The following NKAIN2 variants were observed in gnomAD, a reference collection of about 807,000 sequenced individuals.
NKAIN2 encodes the protein sodium/potassium transporting ATPase interacting 2.
Under a neutral mutation model 32.6 loss-of-function variants are expected in NKAIN2, and 14 were observed. The ratio of observed to expected loss-of-function variants is 0.43; its 90% CI spans 0.28 to 0.67. The LOEUF is 0.67. Among genes scored for constraint, NKAIN2 ranks in the 30% least tolerant of loss-of-function variants. The pLI, the probability that NKAIN2 is intolerant of heterozygous loss-of-function variation, is 0.17. For synonymous variants in NKAIN2, 80 were observed against 87.2 expected, an observed-to-expected ratio of 0.92 and a Z score of 0.46; for missense variants, 198 against 258.3, an observed-to-expected ratio of 0.77 and a Z score of 1.60.
intron 1 of NKAIN2, among the ~76,000 whole-genome samples, chr6:123,998,860 GCT>G (rs952308071): frequency 3.1e-4 from 47 of 149,900 alleles, no homozygotes; most frequent in African/African-American, 1.1e-3. Flanking sequence ...TAAAATGACT[GCT>G]CTACAATTAT....
At position 124,355,010 on chromosome 6, in the gene NKAIN2, C is replaced by T. The variant is rs564568717; in HGVS notation, c.193-257C>T. On this transcript the variant is annotated intron_variant, in intron 2 of 6. Transcript: ENST00000368417. ...ACTTCAACCTGAAAGAAAGAGGTTACAGTGAGCCGAGATCATGCCACTGCA... is the reference window on the plus strand; with the variant it reads ...ACTTCAACCTGAAAGAAAGAGGTTATAGTGAGCCGAGATCATGCCACTGCA... 1.3e-4 allele frequency among the ~76,000 whole-genome samples: 19 copies of T among 148,512 alleles called. No individual in the cohort carries two copies. The South Asian group carries it at 3.8e-3, about 30-fold the overall frequency.
intron 1 of NKAIN2, among the ~76,000 whole-genome samples, chr6:123,952,449 TACA>T (rs1777372666): frequency 6.6e-6 from 1 of 152,200 alleles, no homozygotes. Context: ...TTGGAAAGTT[TACA>T]ACGATTTTAT....
rs147867752 is a variant in NKAIN2, at chr6:124,332,398, A to G, written c.193-22869A>G. 4.5e-3 allele frequency among the ~76,000 whole-genome samples: 682 copies of G among 152,226 alleles called. 4 individuals carry two copies. Among genetic ancestry groups the G allele is most frequent in the African/African-American group, 0.016 (660 of 41,556 alleles). On this transcript the variant is annotated intron_variant, in intron 2 of 6. Coordinates refer to ENST00000368417, the MANE Select transcript of NKAIN2 (RefSeq NM_001040214.3). ...ATTACTACACACGACACTCTAATTCAAAGAGTATTTTAGTACTAAATGTTT... is the reference window on the plus strand; with the variant it reads ...ATTACTACACACGACACTCTAATTCGAAGAGTATTTTAGTACTAAATGTTT...
At chr6:124,574,311 G>C (rs1168987285) in intron 3 of NKAIN2, among the ~76,000 whole-genome samples, 2 of 64,730 alleles carry the variant, frequency 3.1e-5, no homozygotes, top group Admixed American at 2.1e-4. Flanking sequence ...AACAGAAAAA[G>C]TTAAAAAAAA....
chr6:124,663,113 A>C (rs1562312403), intron 4 of NKAIN2, among the ~76,000 whole-genome samples: 1 of 152,318 alleles, frequency 6.6e-6, no homozygotes, highest in East Asian at 1.9e-4. Flanking sequence ...CACAGTAGAT[A>C]ATGATTTCAT....
intron 3 of NKAIN2, among the ~76,000 whole-genome samples, chr6:124,424,023 T>A (rs1457570823): frequency 1.3e-5 from 2 of 152,224 alleles, no homozygotes; most frequent in Admixed American, 1.3e-4. Flanking sequence ...GACAAGAGTC[T>A]GGCTCTGTTG....
chr6:124,019,895 A>T (rs1439998144), intron 1 of NKAIN2, among the ~76,000 whole-genome samples: 1 of 152,154 alleles, frequency 6.6e-6, no homozygotes, highest in East Asian at 1.9e-4. Flanking sequence ...ATATCTTGAA[A>T]CTTATTCTGA....
chr6:124,195,742 A>G (rs1790283032), intron 1 of NKAIN2, among the ~76,000 whole-genome samples: 1 of 152,142 alleles, frequency 6.6e-6, no homozygotes, highest in East Asian at 1.9e-4. Flanking sequence ...TCTATGAGCT[A>G]CTGAGTTTAT....
chr6:124,582,658 AAAAAG>A (rs1183123667), intron 3 of NKAIN2, among the ~76,000 whole-genome samples: 3 of 152,206 alleles, frequency 2.0e-5, no homozygotes, highest in Admixed American at 1.3e-4. Flanking sequence ...GGCACATTAA[AAAAAG>A]AAAAGAAAAG....
intron 1 of NKAIN2, among the ~76,000 whole-genome samples, chr6:124,218,037 A>G (rs1017825096): frequency 2.0e-5 from 3 of 152,088 alleles, no homozygotes; most frequent in East Asian, 3.9e-4. Context: ...CAGAGTAACA[A>G]AAGGAAAAAG....
intron 3 of NKAIN2, among the ~76,000 whole-genome samples, chr6:124,513,514 T>G (rs1008095435): frequency 6.6e-6 from 1 of 152,158 alleles, no homozygotes; most frequent in African/African-American, 2.4e-5. Flanking sequence ...CTTTTTCTTC[T>G]GTTTGAAGTA....
chr6:124,295,652 C>T (rs769795177), intron 2 of NKAIN2, among the ~76,000 whole-genome samples: 6 of 152,088 alleles, frequency 3.9e-5, no homozygotes, highest in African/African-American at 7.2e-5. Context: ...CTCTGCTATG[C>T]CCTACTACTA....
Position 124,323,131 on chromosome 6 carries a change from T to TA in NKAIN2, c.193-32135dup, listed in dbSNP as rs548789851. Among the ~76,000 whole-genome samples the TA allele has an allele frequency of 4.1e-4, 62 of 152,320 alleles. 1 individual carries two copies. The East Asian group carries it at 0.012, about 29-fold the overall frequency. Reference sequence around the variant, plus strand: ...ATTTCTGAATTGTATTGTCTGGTTTTATATTATTAACTTTTGGATTGTTTA... The same window carrying TA: ...ATTTCTGAATTGTATTGTCTGGTTTTAATATTATTAACTTTTGGATTGTTTA... On this transcript the variant is annotated intron_variant, in intron 2 of 6. Coordinates refer to ENST00000368417, the MANE Select transcript of NKAIN2 (RefSeq NM_001040214.3).
rs1000713572 is a variant in NKAIN2, at chr6:124,131,929, C to A, written c.55-151076C>A. ...ACTGCTGCAAACCTGAGCAAAGGAG[C>A]CACTGCCATTGTGAGCAGATGGGGA... On this transcript the variant is annotated intron_variant, in intron 1 of 6. Coordinates refer to ENST00000368417, the MANE Select transcript of NKAIN2 (RefSeq NM_001040214.3). Among the ~76,000 whole-genome samples, 4 of 152,170 alleles carry A rather than the reference C, an allele frequency of 2.6e-5. No individual in the cohort carries two copies. In the East Asian group the frequency reaches 7.7e-4, roughly 29 times the overall value.
At chr6:124,700,089 G>A (rs556767067) in intron 4 of NKAIN2, among the ~76,000 whole-genome samples, 87 of 152,120 alleles carry the variant, frequency 5.7e-4, no homozygotes, top group Non-Finnish European at 9.6e-4. Flanking sequence ...ATGATTTATC[G>A]ATATATTTTT....
chr6:123,815,168 G>A lies in NKAIN2; in HGVS notation c.54+10914G>A, dbSNP rs115008406. Among the ~76,000 whole-genome samples, 792 of 152,222 alleles carry A rather than the reference G, an allele frequency of 5.2e-3. 6 individuals carry two copies. The highest frequency in any genetic ancestry group is 0.016 in the East Asian group (84 of 5,188). On this transcript the variant is annotated intron_variant, in intron 1 of 6. Transcript: ENST00000368417. ...TAGTGGTTTTAATAATTCAAGATTAGTTTAAATTGCAACCTGTTCTTTATC... is the reference window on the plus strand; with the variant it reads ...TAGTGGTTTTAATAATTCAAGATTAATTTAAATTGCAACCTGTTCTTTATC...
intron 4 of NKAIN2, among the ~76,000 whole-genome samples, chr6:124,773,985 G>A (rs886342628): frequency 7.9e-5 from 12 of 152,130 alleles, no homozygotes; most frequent in Non-Finnish European, 1.8e-4. Flanking sequence ...GAGTCAAAGA[G>A]GTAATGGGGA....
chr6:124,537,701 C>G (rs993212450), intron 3 of NKAIN2, among the ~76,000 whole-genome samples: 1 of 152,056 alleles, frequency 6.6e-6, no homozygotes, highest in Non-Finnish European at 1.5e-5. Context: ...CCCTTTCATG[C>G]GTGCTCTCTC....
At chr6:124,065,241 A>C (rs1047022083) in intron 1 of NKAIN2, among the ~76,000 whole-genome samples, 2 of 148,098 alleles carry the variant, frequency 1.4e-5, no homozygotes, top group Admixed American at 6.7e-5. Flanking sequence ...CACACACACA[A>C]CACTCAACAA....
Sources: gnomAD v4.1 joint callset for allele counts (sites outside exome capture counted in the v4.1 genomes callset) on GRCh38, gnomAD v4.1.1 for gene constraint, MANE v1.5 for transcripts, NCBI Gene and HGNC (gene_info 2026-07-23, HGNC 2026-07-21) for gene names.